The following TMPRSS15 variants were observed in gnomAD, a reference collection of about 807,000 sequenced individuals.
The protein encoded by TMPRSS15 is transmembrane serine protease 15.
In TMPRSS15, 128 loss-of-function variants were observed where a neutral mutation model predicts 125.3. The ratio of observed to expected loss-of-function variants is 1.02; its 90% CI spans 0.89 to 1.18. The LOEUF (loss-of-function observed/expected upper bound fraction) is 1.18. Ranked by LOEUF, TMPRSS15 falls within the 50% of genes most tolerant of loss-of-function variation. The pLI is 0.00. For synonymous variants in TMPRSS15, 446 were observed against 423.2 expected, an observed-to-expected ratio of 1.05 and a Z score of -0.66; for missense variants, 1,283 against 1,212.7, an observed-to-expected ratio of 1.06 and a Z score of -0.86.
intron 13 of TMPRSS15, among the ~76,000 whole-genome samples, chr21:18,337,103 A>T (rs2075399825): frequency 6.6e-6 from 1 of 152,110 alleles, no homozygotes; most frequent in South Asian, 2.1e-4. Context: ...CATGTTGGCG[A>T]GGCTGGTCTT....
At chr21:18,483,225 A>C (rs1979017670) in intron 1 of TMPRSS15, among the ~76,000 whole-genome samples, 4 of 151,812 alleles carry the variant, frequency 2.6e-5, no homozygotes, top group African/African-American at 2.4e-5. Context: ...TTTTGATCAA[A>C]GCGCACTGAG....
At chr21:18,392,358 T>C (rs1418523429) in intron 3 of TMPRSS15, among the ~76,000 whole-genome samples, 14 of 152,210 alleles carry the variant, frequency 9.2e-5, no homozygotes, top group Admixed American at 8.5e-4. Flanking sequence ...AAGTTCAAAA[T>C]TCCACAGATC....
Position 18,315,140 on chromosome 21 carries a change from A to C in TMPRSS15, c.2032+6T>G. 6.2e-7 allele frequency: 1 copy of C among 1,607,432 alleles called. No individual in the cohort carries two copies. Among genetic ancestry groups the C allele is most frequent in the Non-Finnish European group, 8.5e-7 (1 of 1,174,790 alleles). ...ATAAAAGTATTTTCCTAAAAATAAG[A>C]CATACCACAATCTGCTTCATCTGAG... On this transcript the variant is annotated splice_donor_region_variant and intron_variant, in intron 17 of 24. Transcript: ENST00000284885.
intron 1 of TMPRSS15, among the ~76,000 whole-genome samples, chr21:18,451,682 A>G (rs946009218): frequency 1.3e-5 from 2 of 152,182 alleles, no homozygotes; most frequent in Non-Finnish European, 2.9e-5. Flanking sequence ...TTTTTTGGAC[A>G]GCTAACATGT....
chr21:18,444,671 C>T (rs926294567), intron 1 of TMPRSS15, among the ~76,000 whole-genome samples: 3 of 152,150 alleles, frequency 2.0e-5, no homozygotes, highest in Non-Finnish European at 4.4e-5. Context: ...ATTCCCATCA[C>T]CTCAAACATG....
chr21:18,277,890 T>C (rs1289276132), intron 23 of TMPRSS15, among the ~76,000 whole-genome samples: 2 of 152,204 alleles, frequency 1.3e-5, no homozygotes, highest in Non-Finnish European at 2.9e-5. Flanking sequence ...GCACTCCTAT[T>C]AGAAATTCCA....
intron 1 of TMPRSS15, among the ~76,000 whole-genome samples, chr21:18,473,791 C>T (rs1218991348): frequency 2.6e-5 from 4 of 152,016 alleles, no homozygotes; most frequent in African/African-American, 9.7e-5. Flanking sequence ...TATTGTAATT[C>T]ATTATTAAGT....
At chr21:18,403,399 T>C in intron 1 of TMPRSS15, 79 bp downstream of exon 1, 1 of 1,588,552 alleles carries the variant, frequency 6.3e-7, no homozygotes, top group Non-Finnish European at 8.6e-7. Flanking sequence ...ATGAATAAAA[T>C]AGACTTACAG....
intron 1 of TMPRSS15, among the ~76,000 whole-genome samples, chr21:18,464,351 A>C (rs1374758212): frequency 6.6e-6 from 1 of 152,020 alleles, no homozygotes; most frequent in Non-Finnish European, 1.5e-5. Context: ...AATTAAAAGA[A>C]CTAGAGAAGC....
chr21:18,423,748 G>A (rs952036175), intron 1 of TMPRSS15, among the ~76,000 whole-genome samples: 1 of 151,982 alleles, frequency 6.6e-6, no homozygotes, highest in Non-Finnish European at 1.5e-5. Flanking sequence ...TTGCTCAGTG[G>A]TTCCGCTTCC....
At chr21:18,420,260 T>C (rs2076189471) in intron 1 of TMPRSS15, among the ~76,000 whole-genome samples, 1 of 152,206 alleles carries the variant, frequency 6.6e-6, no homozygotes, top group Non-Finnish European at 1.5e-5. Flanking sequence ...TAACATCCTT[T>C]GAGTCTGTGA....
intron 1 of TMPRSS15, among the ~76,000 whole-genome samples, chr21:18,481,503 C>A (rs112311513): frequency 6.6e-6 from 1 of 151,648 alleles, no homozygotes; most frequent in Non-Finnish European, 1.5e-5. Flanking sequence ...TTTGCTGATG[C>A]ATGCTTGATG....
chr21:18,355,615 C>T (rs1401273796), intron 8 of TMPRSS15, among the ~76,000 whole-genome samples: 1 of 151,702 alleles, frequency 6.6e-6, no homozygotes, highest in Non-Finnish European at 1.5e-5. Context: ...GCTCCAGCAT[C>T]AGTATTTGAT....
chr21:18,293,086 C>G (rs2074858217), intron 21 of TMPRSS15, among the ~76,000 whole-genome samples: 1 of 152,074 alleles, frequency 6.6e-6, no homozygotes, highest in African/African-American at 2.4e-5. Context: ...CTCCAAAGTC[C>G]TGGGATTATG....
At chr21:18,410,861 A>G (rs1391940155) in intron 1 of TMPRSS15, among the ~76,000 whole-genome samples, 1 of 152,140 alleles carries the variant, frequency 6.6e-6, no homozygotes, top group Non-Finnish European at 1.5e-5. Context: ...TATTCAACTT[A>G]AGGATATATC....
chr21:18,303,907 G>C (rs994116542), intron 18 of TMPRSS15, among the ~76,000 whole-genome samples: 1 of 152,170 alleles, frequency 6.6e-6, no homozygotes, highest in African/African-American at 2.4e-5. Context: ...AATGGTGGTG[G>C]TGCAAAGAAA....
chr21:18,412,936 G>T (rs753802565), intron 1 of TMPRSS15, among the ~76,000 whole-genome samples: 1 of 152,094 alleles, frequency 6.6e-6, no homozygotes, highest in African/African-American at 2.4e-5. Flanking sequence ...CCTTGGAAAC[G>T]TTGTGTAAAA....
chr21:18,412,531 T>C (rs961877398), intron 1 of TMPRSS15, among the ~76,000 whole-genome samples: 2 of 152,244 alleles, frequency 1.3e-5, no homozygotes, highest in Admixed American at 1.3e-4. Flanking sequence ...TCTGACTATG[T>C]CTTTTTAGCC....
chr21:18,372,371 A>G (rs985010392), intron 5 of TMPRSS15, 47 bp from the exon 6 acceptor site: 2 of 1,586,666 alleles, frequency 1.3e-6, no homozygotes, highest in Non-Finnish European at 1.7e-6. Context: ...AGATATGTAC[A>G]ATGTTTAAAT....
Sources: allele counts gnomAD v4.1 joint callset (sites outside exome capture counted in the v4.1 genomes callset), GRCh38; gene constraint gnomAD v4.1.1; transcripts MANE v1.5; gene names NCBI Gene and HGNC (gene_info 2026-07-23, HGNC 2026-07-21).